The following INSR variants were observed in gnomAD, a reference collection of about 807,000 sequenced individuals.
The protein encoded by INSR is insulin receptor, also known as IR.
Under a neutral mutation model 142.6 loss-of-function variants are expected in INSR, and 67 were observed. The observed-to-expected ratio is 0.47, with a 90% CI of 0.39 to 0.58. INSR has a LOEUF of 0.58. Among genes scored for constraint, INSR ranks in the 20% least tolerant of loss-of-function variants. The pLI, the probability that INSR is intolerant of heterozygous loss-of-function variation, is 0.00. For missense variants in INSR, 1,248 were observed against 1,833.2 expected (o/e 0.68, Z 5.83); for synonymous variants, 756 against 743.1 (o/e 1.02, Z -0.28).
chr19:7,237,695 A>T (rs6510970), intron 2 of INSR, among the ~76,000 whole-genome samples: 77,787 of 151,436 alleles, frequency 0.51, 21,279 homozygotes, highest in African/African-American at 0.7. Flanking sequence ...GGGTGCCTGT[A>T]GTCCCAGCAA....
rs1424523294 is a variant in INSR at position 7,146,236 on chromosome 19, C to CCTTTTTT, written c.2268-3147_2268-3146insAAAAAAG. On this transcript the variant is annotated intron_variant, in intron 11 of 21. Transcript: ENST00000302850. ...TTCAGTGCAGTATCTTTGTCAAGTTCTTTTTTTTTTTTTTTTTTTTTTGAG... is the reference window on the plus strand; with the variant it reads ...TTCAGTGCAGTATCTTTGTCAAGTTCCTTTTTTTTTTTTTTTTTTTTTTTTTTTTGAG... Among the ~76,000 whole-genome samples the CCTTTTTT allele has an allele frequency of 1.7e-4, 19 of 110,758 alleles. 8 individuals carry two copies. Among genetic ancestry groups the CCTTTTTT allele is most frequent in the Non-Finnish European group, 2.4e-4 (13 of 53,234 alleles). 72.7% of individuals were successfully genotyped at this position (110,758 alleles called of 152,430 possible).
intron 2 of INSR, among the ~76,000 whole-genome samples, chr19:7,189,361 C>T (rs901692579): frequency 2.0e-5 from 3 of 152,356 alleles, no homozygotes; most frequent in Non-Finnish European, 2.9e-5. Context: ...GGCTGCGAGA[C>T]TTTGCAATCC....
rs191675291 is a variant in INSR, at chr19:7,120,213, C to G, written c.3659+407G>C. ...ACCTACAACCTGGAAGCTCCCTCCC[C>G]ACTTCGAGTTGTCTCGTCTTTCCAG... On this transcript the variant is annotated intron_variant, in intron 20 of 21. Transcript: ENST00000302850. 1.5e-3 allele frequency among the ~76,000 whole-genome samples: 228 copies of G among 152,324 alleles called. 2 individuals are homozygous for G. Among genetic ancestry groups the G allele is most frequent in the Admixed American group, 8.4e-3 (128 of 15,294 alleles).
intron 6 of INSR, among the ~76,000 whole-genome samples, chr19:7,170,019 G>A (rs1277836765): frequency 2.0e-5 from 3 of 152,124 alleles, no homozygotes; most frequent in Non-Finnish European, 1.5e-5. Flanking sequence ...CCCAGCCCCT[G>A]GGCCACAGAC....
chr19:7,125,507 C>T lies in INSR; in HGVS notation c.3034G>A (p.Val1012Met), dbSNP rs1799816. ...ASDVFPCSVY[V>M]PDEWEVSREK... ...CGAGACACCTCCCACTCGTCCGGCA[C>T]GTACACAGAGCATGGAAACACTACT... The change falls in exon 17 of 22, where the codon GTG (valine) becomes ATG (methionine). Residue 1012 changes from valine to methionine, a missense_variant. By Grantham distance (21) the Val-to-Met change is conservative. Around this residue, in one of 3 missense-constraint regions of INSR, gnomAD observed 1,069 missense variants for 1,654.0 expected, o/e 0.65. Coordinates refer to ENST00000302850, the MANE Select transcript of INSR (RefSeq NM_000208.4). This position sits in a 1 kb window ranked among gnomAD's most constrained non-coding sequence, Gnocchi z 4.9. The T allele has an allele frequency of 7.5e-3, 12,166 of 1,613,900 alleles. 83 individuals carry two copies. The highest frequency in any genetic ancestry group is 0.023 in the South Asian group (2,077 of 91,086).
chr19:7,137,112 G>A lies in INSR; in HGVS notation c.2682+4565C>T, dbSNP rs1420503998. On this transcript the variant is annotated intron_variant, in intron 13 of 21. Coordinates refer to ENST00000302850, the MANE Select transcript of INSR (RefSeq NM_000208.4). Reference sequence around the variant, plus strand: ...CTCTGAAGGTACTAGGATTACAGGCGTGAGCCACTGCTCCTGGCCTAAAAC... The same window carrying A: ...CTCTGAAGGTACTAGGATTACAGGCATGAGCCACTGCTCCTGGCCTAAAAC... 3.3e-5 allele frequency among the ~76,000 whole-genome samples: 5 copies of A among 152,114 alleles called. No individual in the cohort carries two copies. In the East Asian group the frequency reaches 5.8e-4, roughly 18 times the overall value.
intron 3 of INSR, among the ~76,000 whole-genome samples, chr19:7,175,944 C>T (rs1271592711): frequency 6.6e-6 from 1 of 152,094 alleles, no homozygotes; most frequent in Non-Finnish European, 1.5e-5. Context: ...TGCCATTACC[C>T]TATGGTTGCA....
rs1004681692 is a variant in INSR, at chr19:7,119,643, C to T, written c.3660-60G>A. The T allele has an allele frequency of 2.1e-4, 339 of 1,587,862 alleles. No homozygotes were observed. Among genetic ancestry groups the T allele is most frequent in the Middle Eastern group, 6.1e-4 (3 of 4,926 alleles). ...CCATTTAGACACACACACACACGCG[C>T]GCGCGCAAACACACACACGCAAACG... On this transcript the variant is annotated intron_variant, in intron 20 of 21. Transcript: ENST00000302850. The surrounding 1 kb of genome is among the most constrained non-coding windows in gnomAD (Gnocchi z 5.2).
intron 13 of INSR, among the ~76,000 whole-genome samples, chr19:7,134,201 G>T (rs1005358631): frequency 3.3e-5 from 5 of 152,202 alleles, no homozygotes; most frequent in African/African-American, 1.2e-4. Context: ...TAAATAAAAA[G>T]AAAGAAACTA....
At chr19:7,148,784 C>T (rs1185409390) in intron 11 of INSR, among the ~76,000 whole-genome samples, 3 of 147,344 alleles carry the variant, frequency 2.0e-5, no homozygotes, top group African/African-American at 7.5e-5. Context: ...AGCTGTGGCC[C>T]CAAATATTAT....
At chr19:7,270,331 TCTCTCTCTCACA>T (rs1263104796) in intron 1 of INSR, among the ~76,000 whole-genome samples, 1 of 68,856 alleles carries the variant, frequency 1.5e-5, no homozygotes, top group African/African-American at 4.7e-5. Context: ...TCTCTCTCTC[TCTCTCTCTCACA>T]CACACACACA....
intron 1 of INSR, among the ~76,000 whole-genome samples, chr19:7,276,632 G>C (rs1358905419): frequency 6.6e-6 from 1 of 152,106 alleles, no homozygotes; most frequent in Non-Finnish European, 1.5e-5. Flanking sequence ...AACGAATCTG[G>C]CTTCCCAACC....
chr19:7,168,013 G>T lies in INSR; in HGVS notation c.1565C>A (p.Pro522His). Residue 522 changes from proline to histidine, a missense_variant, in exon 7 of 22, where the codon CCC (proline) becomes CAC (histidine). By Grantham distance (77) the Pro-to-His change is moderately conservative (BLOSUM62 -2). Transcript: ENST00000302850. The surrounding 1 kb of genome is among the most constrained non-coding windows in gnomAD (Gnocchi z 4.3). ...ILLRWEPYWPPDFRDLLGFML... is the reference protein window; with the variant it reads ...ILLRWEPYWPHDFRDLLGFML... ...GAACCCCAAGAGGTCTCGGAAGTCG[G>T]GGGGCCAGTACGGCTCCCATCTCAG... is the stretch of plus-strand genomic sequence containing the variant. 2 of 1,614,102 alleles carry T rather than the reference G, an allele frequency of 1.2e-6. No homozygotes were observed. The highest frequency in any genetic ancestry group is 1.7e-6 in the Non-Finnish European group (2 of 1,180,018).
chr19:7,125,453 C>CCAGCTCTCGAAGGAGGGTGAT lies in INSR; in HGVS notation c.3067_3087dup (p.Ile1023_Leu1029dup). On this transcript the variant is annotated inframe_insertion, in exon 17 of 22. Transcript: ENST00000302850. This position sits in a 1 kb window ranked among gnomAD's most constrained non-coding sequence, Gnocchi z 4.9. ...TACACCATGCCGAAGGAGCCCTGCCCCAGCTCTCGAAGGAGGGTGATCTTC... is the reference window on the plus strand; with the variant it reads ...TACACCATGCCGAAGGAGCCCTGCCCCAGCTCTCGAAGGAGGGTGATCAGCTCTCGAAGGAGGGTGATCTTC... 6.2e-7 allele frequency: 1 copy of CCAGCTCTCGAAGGAGGGTGAT among 1,614,142 alleles called. No individual in the cohort carries two copies. Among genetic ancestry groups the CCAGCTCTCGAAGGAGGGTGAT allele is most frequent in the East Asian group, 2.2e-5 (1 of 44,874 alleles).
chr19:7,268,347 T>C (rs1389875800), intron 1 of INSR: 2 of 793,228 alleles, frequency 2.5e-6, no homozygotes, highest in East Asian at 2.5e-4. Flanking sequence ...TCCTCCCACC[T>C]CGCTGGCTGA....
At chr19:7,145,545 C>T (rs78154040) in intron 11 of INSR, among the ~76,000 whole-genome samples, 5 of 152,230 alleles carry the variant, frequency 3.3e-5, no homozygotes, top group South Asian at 2.1e-4. Context: ...AAAATTTTCC[C>T]GTAAAGGGCT....
At chr19:7,219,495 A>AGGAGGGAGGGAGGGAAGGAG (rs1975536333) in intron 2 of INSR, among the ~76,000 whole-genome samples, 1 of 119,748 alleles carries the variant, frequency 8.4e-6, no homozygotes, top group African/African-American at 3.2e-5. Context: ...GAAGGAAGGA[A>AGGAGGGAGGGAGGGAAGGAG]GGAGGGAGGG....
chr19:7,156,782 C>CTTTT (rs746400499), intron 9 of INSR, among the ~76,000 whole-genome samples: 17 of 63,202 alleles, frequency 2.7e-4, no homozygotes, highest in East Asian at 5.5e-4. Flanking sequence ...CTATTTCTCT[C>CTTTT]TTTTTTTTTT....
At chr19:7,164,060 C>T (rs1486054704) in intron 8 of INSR, among the ~76,000 whole-genome samples, 1 of 138,586 alleles carries the variant, frequency 7.2e-6, no homozygotes, top group African/African-American at 2.7e-5. Context: ...CGCCATTGAA[C>T]TCCAGCCTGA....
Sources: allele counts gnomAD v4.1 joint callset (sites outside exome capture counted in the v4.1 genomes callset), GRCh38; gene constraint gnomAD v4.1.1; regional missense constraint gnomAD v4.1.1; non-coding constraint Gnocchi (gnomAD v3.1); transcripts MANE v1.5; gene names NCBI Gene and HGNC (gene_info 2026-07-23, HGNC 2026-07-21).